ZCWPW2: variants seen among roughly 807,000 people sequenced by gnomAD.
ZCWPW2 encodes the protein zinc finger CW-type and PWWP domain containing 2.
ZCWPW2 carries 45 observed loss-of-function variants against 46.6 expected under a neutral mutation model. That is an observed-to-expected ratio of 0.96 (90% CI 0.76 to 1.24). ZCWPW2 has a LOEUF of 1.24. Ranked by LOEUF, ZCWPW2 falls within the 50% of genes most tolerant of loss-of-function variation. The pLI, the probability that ZCWPW2 is intolerant of heterozygous loss-of-function variation, is 0.00. For synonymous variants in ZCWPW2, 152 were observed against 137.1 expected, an observed-to-expected ratio of 1.11 and a Z score of -0.76; for missense variants, 429 against 403.9, an observed-to-expected ratio of 1.06 and a Z score of -0.53.
intron 2 of ZCWPW2, among the ~76,000 whole-genome samples, 185 bp downstream of exon 2, chr3:28,390,802 G>T (rs1381126293): frequency 6.6e-6 from 1 of 152,308 alleles, no homozygotes; most frequent in Non-Finnish European, 1.5e-5. Flanking sequence ...CTTTCCCAAA[G>T]TTAGCCACAA....
intron 4 of ZCWPW2, among the ~76,000 whole-genome samples, chr3:28,462,755 T>G (rs1698687650): frequency 6.6e-6 from 1 of 152,206 alleles, no homozygotes; most frequent in South Asian, 2.1e-4. Context: ...GATTGCAAAT[T>G]TCTCTCCACG....
intron 4 of ZCWPW2, among the ~76,000 whole-genome samples, chr3:28,452,385 A>G (rs1028854024): frequency 1.3e-5 from 2 of 152,112 alleles, no homozygotes; most frequent in South Asian, 4.1e-4. Context: ...CCCCAGTTCA[A>G]GCGATTCTCC....
intron 5 of ZCWPW2, among the ~76,000 whole-genome samples, chr3:28,491,901 C>T (rs527490932): frequency 1.2e-4 from 19 of 152,144 alleles, no homozygotes; most frequent in African/African-American, 4.6e-4. Context: ...GAGAGGAGAT[C>T]TGCCAAATAA....
chr3:28,362,225 T>G (rs1002197886), intron 1 of ZCWPW2, among the ~76,000 whole-genome samples: 6 of 152,158 alleles, frequency 3.9e-5, no homozygotes, highest in African/African-American at 1.4e-4. Context: ...GAAAATGTTC[T>G]TGAGATCCAT....
intron 4 of ZCWPW2, among the ~76,000 whole-genome samples, chr3:28,462,711 A>T (rs1455762347): frequency 6.6e-6 from 1 of 152,218 alleles, no homozygotes; most frequent in Admixed American, 6.5e-5. Context: ...AAAGTCTTAA[A>T]ATAGGAAACA....
Position 28,413,237 on chromosome 3 carries a change from C to G in ZCWPW2, c.169C>G (p.Pro57Ala). 6.2e-7 allele frequency: 1 copy of G among 1,613,310 alleles called. No individual in the cohort carries two copies. The highest frequency in any genetic ancestry group is 8.5e-7 in the Non-Finnish European group (1 of 1,179,542). Residue 57 changes from proline to alanine, a missense_variant, in exon 3 of 10, where the codon CCA becomes GCA. By Grantham distance (27) the Pro-to-Ala change is conservative. Transcript: ENST00000383768. ...TTCAGCCAAGGTTGATCATGATGAA[C>G]CATGGTACTGCTTCATGAACACTGA... ...EDSAKVDHDE[P>A]WYCFMNTDSR...
At chr3:28,520,743 C>T (rs1346070187) in intron 8 of ZCWPW2, among the ~76,000 whole-genome samples, 1 of 152,134 alleles carries the variant, frequency 6.6e-6, no homozygotes, top group East Asian at 1.9e-4. Flanking sequence ...TGATATTTCA[C>T]TTCTACTTTA....
chr3:28,434,258 C>G (rs1193625921), intron 3 of ZCWPW2, among the ~76,000 whole-genome samples: 1 of 151,974 alleles, frequency 6.6e-6, no homozygotes, highest in Non-Finnish European at 1.5e-5. Flanking sequence ...CTCTAATTTC[C>G]TGTTCAGACT....
intron 1 of ZCWPW2, among the ~76,000 whole-genome samples, chr3:28,355,097 G>A (rs1704682132): frequency 6.6e-6 from 1 of 152,060 alleles, no homozygotes; most frequent in South Asian, 2.1e-4. Flanking sequence ...TGTATATCTA[G>A]AAAACCCTAT....
intron 5 of ZCWPW2, among the ~76,000 whole-genome samples, chr3:28,490,723 G>C (rs903693210): frequency 1.3e-5 from 2 of 151,884 alleles, no homozygotes; most frequent in Admixed American, 1.3e-4. Context: ...CGGGTACTAT[G>C]CTATATAGCA....
intron 2 of ZCWPW2, among the ~76,000 whole-genome samples, chr3:28,393,315 C>T (rs892335316): frequency 6.6e-6 from 1 of 152,020 alleles, no homozygotes; most frequent in African/African-American, 2.4e-5. Flanking sequence ...CAAAATTTCT[C>T]ATCAAAGAGA....
chr3:28,451,991 CTTTG>C (rs1269178579), intron 4 of ZCWPW2, among the ~76,000 whole-genome samples: 2 of 152,100 alleles, frequency 1.3e-5, no homozygotes, highest in African/African-American at 2.4e-5. Flanking sequence ...TAGATTCAAC[CTTTG>C]TTTGTTTTCT....
chr3:28,353,107 T>G (rs1038372354), intron 1 of ZCWPW2, among the ~76,000 whole-genome samples: 1 of 151,648 alleles, frequency 6.6e-6, no homozygotes, highest in Non-Finnish European at 1.5e-5. Context: ...TTGCTTGAAC[T>G]CAGGAGGCAG....
intron 6 of ZCWPW2, among the ~76,000 whole-genome samples, chr3:28,499,913 C>A (rs1700095208): frequency 6.6e-6 from 1 of 151,810 alleles, no homozygotes; most frequent in Admixed American, 6.6e-5. Flanking sequence ...TTTGTAGTTC[C>A]TTTTCTGTAT....
intron 1 of ZCWPW2, among the ~76,000 whole-genome samples, chr3:28,363,701 G>A (rs1411470604): frequency 2.0e-5 from 3 of 152,084 alleles, no homozygotes; most frequent in African/African-American, 7.2e-5. Flanking sequence ...ATAGGTACCA[G>A]AAAACTAGGG....
chr3:28,441,812 G>A (rs534054244), intron 4 of ZCWPW2, among the ~76,000 whole-genome samples: 5 of 152,226 alleles, frequency 3.3e-5, no homozygotes, highest in Non-Finnish European at 5.9e-5. Context: ...TAGGTCACCC[G>A]GGCACTTGAT....
intron 6 of ZCWPW2, among the ~76,000 whole-genome samples, chr3:28,507,536 G>A (rs1207455190): frequency 6.6e-6 from 1 of 151,580 alleles, no homozygotes; most frequent in Non-Finnish European, 1.5e-5. Context: ...GAGTACAGTG[G>A]TGCAATCTTG....
chr3:28,514,596 T>C (rs1700515549), intron 7 of ZCWPW2, among the ~76,000 whole-genome samples: 1 of 152,184 alleles, frequency 6.6e-6, no homozygotes, highest in African/African-American at 2.4e-5. Context: ...ATACTGTGTT[T>C]ACAGTTTTCT....
At chr3:28,508,997 ACTTTATATC>A (rs1700355737) in intron 6 of ZCWPW2, among the ~76,000 whole-genome samples, 1 of 152,126 alleles carries the variant, frequency 6.6e-6, no homozygotes, top group South Asian at 2.1e-4. Flanking sequence ...CTGAAAGGAA[ACTTTATATC>A]CATTAGCCAT....
Sources: allele counts gnomAD v4.1 joint callset (sites outside exome capture counted in the v4.1 genomes callset), GRCh38; gene constraint gnomAD v4.1.1; transcripts MANE v1.5; gene names NCBI Gene and HGNC (gene_info 2026-07-23, HGNC 2026-07-21).